COG5: variants seen among roughly 807,000 people sequenced by gnomAD.
The protein encoded by COG5 is conserved oligomeric Golgi complex subunit 5.
COG5 carries 86 observed loss-of-function variants against 110.4 expected under a neutral mutation model. That is an observed-to-expected ratio of 0.78 (90% confidence interval 0.65 to 0.93). The LOEUF (loss-of-function observed/expected upper bound fraction) is 0.93. COG5 is among the 40% of genes least tolerant of loss of function. The probability of loss-of-function intolerance (pLI) is 0.00; values close to 1 mark genes in which losing one functional copy is unlikely to be tolerated. For synonymous variants in COG5, 360 were observed against 334.6 expected (o/e 1.08, Z -0.83); for missense variants, 1,077 against 987.0 (o/e 1.09, Z -1.22).
chr7:107,467,849 A>G (rs1187260772), intron 6 of COG5, among the ~76,000 whole-genome samples: 2 of 152,322 alleles, frequency 1.3e-5, no homozygotes, highest in African/African-American at 4.8e-5. Context: ...AAAGTTTGTG[A>G]TATCTTATTT....
At chr7:107,503,829 T>C (rs1463364084) in intron 6 of COG5, among the ~76,000 whole-genome samples, 1 of 152,242 alleles carries the variant, frequency 6.6e-6, no homozygotes, top group Non-Finnish European at 1.5e-5. Context: ...TACTGATTTG[T>C]GTACATTGAC....
chr7:107,414,440 AT>A (rs1792545477), intron 6 of COG5, among the ~76,000 whole-genome samples: 1 of 152,156 alleles, frequency 6.6e-6, no homozygotes, highest in South Asian at 2.1e-4. Flanking sequence ...AAGAAATGAT[AT>A]TAATCATCTC....
At chr7:107,270,628 TACAC>T (rs112944834) in intron 14 of COG5, among the ~76,000 whole-genome samples, 1 of 150,608 alleles carries the variant, frequency 6.6e-6, no homozygotes. Flanking sequence ...AAAGATGTTA[TACAC>T]ACACACACAC....
intron 6 of COG5, among the ~76,000 whole-genome samples, chr7:107,455,608 T>C (rs1431306153): frequency 6.6e-6 from 1 of 152,174 alleles, no homozygotes; most frequent in Non-Finnish European, 1.5e-5. Context: ...TGGCCTTTTG[T>C]AGAAAAAGTT....
At chr7:107,488,863 A>C (rs994154748) in intron 6 of COG5, among the ~76,000 whole-genome samples, 1 of 151,978 alleles carries the variant, frequency 6.6e-6, no homozygotes, top group Non-Finnish European at 1.5e-5. Flanking sequence ...TTAATAAAAA[A>C]TTAAAAAAAA....
chr7:107,531,216 T>A (rs1039432029), intron 5 of COG5, among the ~76,000 whole-genome samples: 1 of 152,232 alleles, frequency 6.6e-6, no homozygotes, highest in Middle Eastern at 3.2e-3. Flanking sequence ...ATTCCCTTGA[T>A]GCAGTTTAAC....
intron 7 of COG5, among the ~76,000 whole-genome samples, chr7:107,392,606 C>G (rs763451590): frequency 3.3e-5 from 5 of 149,990 alleles, no homozygotes; most frequent in Admixed American, 2.0e-4. Context: ...TTTTCTGTTT[C>G]ACTAAGAATA....
intron 10 of COG5, among the ~76,000 whole-genome samples, chr7:107,342,244 C>T (rs1374469236): frequency 4.6e-5 from 7 of 150,866 alleles, no homozygotes; most frequent in African/African-American, 1.7e-4. Context: ...AGAAGACATA[C>T]AAGGAGCCAA....
intron 10 of COG5, among the ~76,000 whole-genome samples, chr7:107,348,537 A>T (rs184285016): frequency 1.0e-3 from 157 of 152,268 alleles, no homozygotes; most frequent in Non-Finnish European, 1.7e-3. Flanking sequence ...ATTTTTCTAG[A>T]AATCTGTCCA....
At chr7:107,469,115 C>A (rs143244700) in intron 6 of COG5, among the ~76,000 whole-genome samples, 1,806 of 150,168 alleles carry the variant, frequency 0.012, 32 homozygotes, top group African/African-American at 0.041. Context: ...GAAAATGTAT[C>A]TATCTTATAA....
At chr7:107,509,246 G>C (rs151108603) in intron 6 of COG5, among the ~76,000 whole-genome samples, 2,183 of 152,292 alleles carry the variant, frequency 0.014, 52 homozygotes, top group African/African-American at 0.051. Flanking sequence ...ACTACGTGAA[G>C]AATGCAGAAG....
intron 11 of COG5, among the ~76,000 whole-genome samples, chr7:107,307,914 A>G (rs1008728120): frequency 1.3e-5 from 2 of 152,168 alleles, no homozygotes; most frequent in Non-Finnish European, 2.9e-5. Context: ...ATTGAAATAA[A>G]AATAAAAATT....
chr7:107,206,441 G>GA (rs376710998), intron 21 of COG5, among the ~76,000 whole-genome samples: 4 of 152,062 alleles, frequency 2.6e-5, no homozygotes, highest in Non-Finnish European at 4.4e-5. Context: ...ATTTTTCTAT[G>GA]AAAAAAACTT....
intron 6 of COG5, among the ~76,000 whole-genome samples, chr7:107,438,532 CTTGT>C (rs1563035104): frequency 6.6e-6 from 1 of 152,164 alleles, no homozygotes; most frequent in Non-Finnish European, 1.5e-5. Flanking sequence ...AGCAAACTTG[CTTGT>C]TTTTCTCTTC....
At chr7:107,250,728 T>C (rs1802439036) in intron 16 of COG5, among the ~76,000 whole-genome samples, 1 of 152,058 alleles carries the variant, frequency 6.6e-6, no homozygotes, top group African/African-American at 2.4e-5. Context: ...AAAATTATAG[T>C]AGCTGAAATT....
chr7:107,397,828 G>A (rs942587727), intron 7 of COG5, among the ~76,000 whole-genome samples: 3 of 151,854 alleles, frequency 2.0e-5, no homozygotes, highest in Non-Finnish European at 4.4e-5. Flanking sequence ...GGCAGAAATC[G>A]TTGATATTAA....
chr7:107,259,713 T>G (rs1226314656), intron 14 of COG5, among the ~76,000 whole-genome samples: 1 of 152,174 alleles, frequency 6.6e-6, no homozygotes, highest in Non-Finnish European at 1.5e-5. Flanking sequence ...TCAATCAATT[T>G]TGAAGAACAA....
chr7:107,499,768 T>C (rs1798519897), intron 6 of COG5, among the ~76,000 whole-genome samples: 1 of 152,118 alleles, frequency 6.6e-6, no homozygotes, highest in South Asian at 2.1e-4. Context: ...GTTAATTCAG[T>C]GCAAATAGGC....
intron 17 of COG5, 52 bp from the exon 18 acceptor site, chr7:107,236,739 T>C (rs1801222767): frequency 8.5e-7 from 1 of 1,174,978 alleles, no homozygotes; most frequent in Non-Finnish European, 1.3e-6. Context: ...AATCACACTC[T>C]TTGATTTTGT....
Sources: allele counts gnomAD v4.1 joint callset (sites outside exome capture counted in the v4.1 genomes callset), GRCh38; gene constraint gnomAD v4.1.1; transcripts MANE v1.5; gene names NCBI Gene and HGNC (gene_info 2026-07-23, HGNC 2026-07-21).